The following CRYBG2 variants were observed in gnomAD, a reference collection of about 807,000 sequenced individuals.
The protein encoded by CRYBG2 is beta/gamma crystallin domain-containing protein 2.
In CRYBG2, 106 loss-of-function variants were observed where a neutral mutation model predicts 153.4. That is an observed-to-expected ratio of 0.69 (90% CI 0.59 to 0.81). CRYBG2 has a LOEUF of 0.81. CRYBG2 is among the 30% of genes least tolerant of loss of function. CRYBG2 has a pLI of 0.00. For synonymous variants in CRYBG2, 851 were observed against 877.8 expected, an observed-to-expected ratio of 0.97 and a Z score of 0.54; for missense variants, 1,996 against 2,112.0, an observed-to-expected ratio of 0.95 and a Z score of 1.08.
rs1331593189 is a variant in CRYBG2, at chr1:26,336,767, G to T, written c.3912-35C>A. On this transcript the variant is annotated intron_variant, in intron 11 of 19. Coordinates refer to ENST00000308182, the MANE Select transcript of CRYBG2 (RefSeq NM_001039775.4). The surrounding 1 kb of genome is among the most constrained non-coding windows in gnomAD (Gnocchi z 4.9). The stretch of plus-strand genomic sequence containing the variant: ...GGGCGGGGCGCGAGTCAGCTGGGAC[G>T]GAGCCTGCACCTCTCCTGGAACCGC... 7.0e-6 allele frequency: 11 copies of T among 1,571,236 alleles called. No homozygotes were observed. Among genetic ancestry groups the T allele is most frequent in the Middle Eastern group, 1.7e-4 (1 of 5,834 alleles).
rs1273745678 is a variant in CRYBG2, at chr1:26,345,372, T to G, written c.1286A>C (p.Asp429Ala). ...PPAPSTTRRKDVPSPGGLSAP... is the reference protein window; with the variant it reads ...PPAPSTTRRKAVPSPGGLSAP... ...AGAAAGACCTCCTGGGCTGGGGACATCCTTCCTTCTTGTAGTGGATGGAGC... is the reference window on the plus strand; with the variant it reads ...AGAAAGACCTCCTGGGCTGGGGACAGCCTTCCTTCTTGTAGTGGATGGAGC... The change falls in exon 2 of 20, where the codon GAT becomes GCT. Residue 429 changes from aspartate to alanine, a missense_variant. Asp to Ala is a moderately radical substitution (Grantham distance 126, BLOSUM62 -2). Transcript: ENST00000308182. The G allele has an allele frequency of 1.9e-6, 3 of 1,613,240 alleles. No homozygotes were observed. Among genetic ancestry groups the G allele is most frequent in the Non-Finnish European group, 8.5e-7 (1 of 1,179,802 alleles).
chr1:26,331,751 C>A, intron 14 of CRYBG2, 133 bp from the exon 15 acceptor site: 2 of 1,213,654 alleles, frequency 1.6e-6, no homozygotes, highest in East Asian at 4.9e-5. Context: ...GATGAACAGG[C>A]ACTACAGCAG....
At chr1:26,333,731 G>A (rs1298467694) in intron 14 of CRYBG2, among the ~76,000 whole-genome samples, 1 of 152,204 alleles carries the variant, frequency 6.6e-6, no homozygotes, top group Non-Finnish European at 1.5e-5. Flanking sequence ...CCAGAACTGT[G>A]AGAGAATAAA....
chr1:26,343,409 CT>C lies in CRYBG2; in HGVS notation c.2914-117del. 8.0e-7 allele frequency: 1 copy of C among 1,253,160 alleles called. No individual in the cohort carries two copies. Among genetic ancestry groups the C allele is most frequent in the South Asian group, 1.3e-5 (1 of 76,944 alleles). 77.6% of individuals were successfully genotyped at this position (1,253,160 alleles called of 1,614,324 possible). On this transcript the variant is annotated intron_variant, in intron 2 of 19. Coordinates refer to ENST00000308182, the MANE Select transcript of CRYBG2 (RefSeq NM_001039775.4). This position sits in a 1 kb window ranked among gnomAD's most constrained non-coding sequence, Gnocchi z 4.1. The stretch of plus-strand genomic sequence containing the variant: ...CCTATTAACCTCCACCCGCAAGGAG[CT>C]GGCGCATAGAGGATGCTCACACTTG...
At chr1:26,351,611 A>ATATC (rs2074287915) in intron 1 of CRYBG2, among the ~76,000 whole-genome samples, 1 of 152,194 alleles carries the variant, frequency 6.6e-6, no homozygotes, top group East Asian at 1.9e-4. Flanking sequence ...GAGGCGGCCG[A>ATATC]TCATGAGATC....
rs201606117 is a variant in CRYBG2, at chr1:26,331,642, G to A, written c.4185-24C>T. 1.3e-3 allele frequency: 2,124 copies of A among 1,610,118 alleles called. 2 individuals are homozygous for A. Among genetic ancestry groups the A allele is most frequent in the Non-Finnish European group, 1.7e-3 (2,037 of 1,178,202 alleles). On this transcript the variant is annotated intron_variant, in intron 14 of 19. Coordinates refer to ENST00000308182, the MANE Select transcript of CRYBG2 (RefSeq NM_001039775.4). The stretch of plus-strand genomic sequence containing the variant: ...AGCTAGGGAAGGGGAAGAAATGGAG[G>A]GTATCTGAGCCTACCTGTCCTTGGC...
At chr1:26,326,704 A>G (rs1414989012) in intron 17 of CRYBG2, 2 of 309,834 alleles carry the variant, frequency 6.5e-6, no homozygotes, top group East Asian at 1.5e-4. Flanking sequence ...AGCATTTGAC[A>G]TATTGTCATA....
At chr1:26,339,490 G>GT (rs1469352357) in intron 5 of CRYBG2, 61 bp from the exon 6 acceptor site, 1 of 1,589,296 alleles carries the variant, frequency 6.3e-7, no homozygotes, top group African/African-American at 1.3e-5. Context: ...GCTCACGCCT[G>GT]TAATCCCAGC....
At position 26,345,458 on chromosome 1, in the gene CRYBG2, A is replaced by AG. The variant is rs758447216; in HGVS notation, c.1199dup (p.Ala401CysfsTer45). Reference sequence around the variant, plus strand: ...TCACCATGGGCAGGACGGTGGCAGCAGGGGGGTCCACGGGCCCGTCCTTTT... The same window carrying AG: ...TCACCATGGGCAGGACGGTGGCAGCAGGGGGGGTCCACGGGCCCGTCCTTTT... On this transcript the variant is annotated frameshift_variant, in exon 2 of 20. Transcript: ENST00000308182. LOFTEE classifies it high-confidence loss of function. 1.9e-6 allele frequency: 3 copies of AG among 1,598,778 alleles called. No homozygotes were observed. Among genetic ancestry groups the AG allele is most frequent in the South Asian group, 1.1e-5 (1 of 89,036 alleles).
Position 26,328,374 on chromosome 1 carries a change from C to T in CRYBG2, c.4455-42G>A, listed in dbSNP as rs754591944. The T allele has an allele frequency of 3.9e-6, 6 of 1,551,808 alleles. No individual in the cohort carries two copies. The South Asian group carries it at 7.1e-5, about 18-fold the overall frequency. ...TCAGGGACACAGAGAAGAGCACAGA[C>T]ACACAGACAGACAGACAGGTGGAGG... On this transcript the variant is annotated intron_variant, in intron 16 of 19. Transcript: ENST00000308182.
chr1:26,343,193 AC>A lies in CRYBG2; in HGVS notation c.2962-35del. The A allele has an allele frequency of 1.3e-6, 2 of 1,550,104 alleles. No homozygotes were observed. The highest frequency in any genetic ancestry group is 1.7e-6 in the Non-Finnish European group (2 of 1,146,806). ...GCACAGAAGGGGTCCTCAGGCCCTG[AC>A]CCCAGGCCCCTGCATCCTGCTGCCC... On this transcript the variant is annotated intron_variant, in intron 3 of 19. Coordinates refer to ENST00000308182, the MANE Select transcript of CRYBG2 (RefSeq NM_001039775.4). The surrounding 1 kb of genome is among the most constrained non-coding windows in gnomAD (Gnocchi z 4.1).
chr1:26,339,693 G>A (rs1401015496), intron 5 of CRYBG2, among the ~76,000 whole-genome samples: 2 of 151,708 alleles, frequency 1.3e-5, no homozygotes, highest in African/African-American at 2.4e-5. Flanking sequence ...CCGAGATCAT[G>A]CCATTGCACT....
Position 26,345,558 on chromosome 1 carries a change from G to C in CRYBG2, c.1100C>G (p.Thr367Ser), listed in dbSNP as rs750549546. 1 of 1,605,420 alleles carries C rather than the reference G, an allele frequency of 6.2e-7. No individual in the cohort carries two copies. Among genetic ancestry groups the C allele is most frequent in the Non-Finnish European group, 8.5e-7 (1 of 1,177,462 alleles). Residue 367 changes from threonine to serine, a missense_variant, in exon 2 of 20, where the codon ACT (threonine) becomes AGT (serine). By Grantham distance (58) the Thr-to-Ser change is moderately conservative. Transcript: ENST00000308182. ...LETHVPSPGL[T>S]HPAKQPVVPT... ...CACCACAGGCTGCTTTGCAGGGTGA[G>C]TTAGGCCAGGAGAGGGGACATGGGT...
At position 26,328,343 on chromosome 1, in the gene CRYBG2, C is replaced by T. The variant is rs1482673532; in HGVS notation, c.4455-11G>A. ...TCACATAGCACCCAACTGGGCCCAG[C>T]AGGTGTCAGGGACACAGAGAAGAGC... On this transcript the variant is annotated splice_polypyrimidine_tract_variant and intron_variant, in intron 16 of 19. Transcript: ENST00000308182. 2 of 1,564,724 alleles carry T rather than the reference C, an allele frequency of 1.3e-6. No individual in the cohort carries two copies. The highest frequency in any genetic ancestry group is 1.7e-6 in the Non-Finnish European group (2 of 1,154,456).
intron 14 of CRYBG2, among the ~76,000 whole-genome samples, chr1:26,335,016 G>C (rs1177461269): frequency 6.6e-6 from 1 of 151,892 alleles, no homozygotes; most frequent in Non-Finnish European, 1.5e-5. Context: ...TGTAATAAGG[G>C]CATTATAACT....
chr1:26,322,060 G>T lies in CRYBG2; in HGVS notation c.4898-4C>A, dbSNP rs11247913. On this transcript the variant is annotated splice_region_variant and splice_polypyrimidine_tract_variant and intron_variant, in intron 19 of 19. Coordinates refer to ENST00000308182, the MANE Select transcript of CRYBG2 (RefSeq NM_001039775.4). ...TCCCGGTCGTAGCCCCGGCCTCCTGGGGGTGGGATGGGGATTAAAAGATAG... is the reference window on the plus strand; with the variant it reads ...TCCCGGTCGTAGCCCCGGCCTCCTGTGGGTGGGATGGGGATTAAAAGATAG... The T allele has an allele frequency of 2.5e-6, 4 of 1,604,038 alleles. No homozygotes were observed. The highest frequency in any genetic ancestry group is 2.2e-5 in the South Asian group (2 of 90,726).
chr1:26,331,514 A>G lies in CRYBG2; in HGVS notation c.4289T>C (p.Leu1430Pro). 1 of 1,614,112 alleles carries G rather than the reference A, an allele frequency of 6.2e-7. No homozygotes were observed. The highest frequency in any genetic ancestry group is 8.5e-7 in the Non-Finnish European group (1 of 1,180,036). The change falls in exon 15 of 20, where the codon CTG (leucine) becomes CCG (proline). Residue 1430 changes from leucine (L) to proline (P), a missense_variant. Physicochemically the swap from Leu to Pro is moderately conservative, Grantham distance 98. Coordinates refer to ENST00000308182, the MANE Select transcript of CRYBG2 (RefSeq NM_001039775.4). ...CAGGGATACCTTCTGGAGAGAGCCC[A>G]GGACTGTGGAGGCGAGGCAGCCCAT... ...TAMGCLASTV[L>P]GSLQKVSLHF...
intron 15 of CRYBG2, among the ~76,000 whole-genome samples, chr1:26,330,039 G>T (rs778459341): frequency 6.6e-6 from 1 of 152,170 alleles, no homozygotes; most frequent in Non-Finnish European, 1.5e-5. Context: ...CCGGCCCAAA[G>T]TGCTAGAATT....
Position 26,344,435 on chromosome 1 carries a change from A to G in CRYBG2, c.2223T>C (p.Asp741=). The G allele has an allele frequency of 6.6e-7, 1 of 1,524,658 alleles. No homozygotes were observed. The highest frequency in any genetic ancestry group is 8.8e-7 in the Non-Finnish European group (1 of 1,132,876). The allele number at this position is 1,524,658 out of a possible 1,614,324, so 94.4% of individuals were successfully genotyped here. Reference sequence around the variant, plus strand: ...CTGTGCACGTCTTGCCCTCGGTGGGATCAGAGACAAGCTGGGACTCCGTGC... The same window carrying G: ...CTGTGCACGTCTTGCCCTCGGTGGGGTCAGAGACAAGCTGGGACTCCGTGC... ...EASTESQLVS[D]PTEGKTCTET... is the part of the protein sequence containing the mutation. Residue 741 remains aspartate, a synonymous_variant, in exon 2 of 20, where the codon GAT becomes GAC. Transcript: ENST00000308182.
Sources: gnomAD v4.1 joint callset for allele counts (sites outside exome capture counted in the v4.1 genomes callset) on GRCh38, gnomAD v4.1.1 for gene constraint, Gnocchi (gnomAD v3.1) non-coding constraint, MANE v1.5 for transcripts, NCBI Gene and HGNC (gene_info 2026-07-23, HGNC 2026-07-21) for gene names.